CNBD1: variants seen among roughly 807,000 people sequenced by gnomAD.
CNBD1 encodes cyclic nucleotide-binding domain-containing protein 1.
CNBD1 carries 71 observed loss-of-function variants against 54.4 expected under a neutral mutation model. The observed-to-expected ratio is 1.30, with a 90% CI of 1.08 to 1.59. CNBD1 has a LOEUF of 1.59. Among genes scored for constraint, CNBD1 ranks in the 40% most tolerant of loss-of-function variants. CNBD1 has a pLI of 0.00. For missense variants in CNBD1, 659 were observed against 518.0 expected, an observed-to-expected ratio of 1.27 and a Z score of -2.64; for synonymous variants, 182 against 170.7, an observed-to-expected ratio of 1.07 and a Z score of -0.51.
intron 3 of CNBD1, among the ~76,000 whole-genome samples, chr8:86,906,006 C>T (rs953609105): frequency 1.3e-5 from 2 of 152,148 alleles, no homozygotes; most frequent in Non-Finnish European, 2.9e-5. Flanking sequence ...ATTGCCATAT[C>T]TGTAAGACTG....
At chr8:87,135,736 A>T (rs973698178) in intron 4 of CNBD1, among the ~76,000 whole-genome samples, 2 of 150,242 alleles carry the variant, frequency 1.3e-5, no homozygotes, top group African/African-American at 4.9e-5. Context: ...CTGATCCAAC[A>T]TATATATAAT....
At chr8:87,396,331 T>A (rs1313857856) in intron 2 of CNBD1, among the ~76,000 whole-genome samples, 1 of 151,948 alleles carries the variant, frequency 6.6e-6, no homozygotes. Context: ...TATCATTTGT[T>A]ATTTAGGAAT....
chr8:87,387,308 G>A (rs1410518274), downstream of CNBD1, among the ~76,000 whole-genome samples: 1 of 151,968 alleles, frequency 6.6e-6, no homozygotes, highest in Non-Finnish European at 1.5e-5. Flanking sequence ...GACACAGACT[G>A]GCAAATTGGA....
intron 2 of CNBD1, among the ~76,000 whole-genome samples, chr8:87,404,374 A>G (rs1807618853): frequency 6.6e-6 from 1 of 152,058 alleles, no homozygotes; most frequent in African/African-American, 2.4e-5. Context: ...TTAAAAAAGA[A>G]ATGGTTATGT....
intron 2 of CNBD1, among the ~76,000 whole-genome samples, chr8:87,420,817 T>A (rs2130992591): frequency 6.6e-6 from 1 of 152,068 alleles, no homozygotes; most frequent in South Asian, 2.1e-4. Context: ...ATTTGAAAAT[T>A]AACCTCATTA....
chr8:87,226,213 T>G (rs1269220451), intron 5 of CNBD1, among the ~76,000 whole-genome samples: 1 of 151,988 alleles, frequency 6.6e-6, no homozygotes, highest in African/African-American at 2.4e-5. Context: ...ATTAATTTTT[T>G]GAAGGGCTTT....
At chr8:87,157,543 G>A (rs972216683) in intron 4 of CNBD1, among the ~76,000 whole-genome samples, 1 of 151,786 alleles carries the variant, frequency 6.6e-6, no homozygotes, top group Non-Finnish European at 1.5e-5. Context: ...GTATTCTTTT[G>A]CATTCAGCAG....
intron 8 of CNBD1, among the ~76,000 whole-genome samples, chr8:87,320,387 T>C (rs778775430): frequency 1.2e-4 from 19 of 152,106 alleles, no homozygotes; most frequent in Non-Finnish European, 2.8e-4. Flanking sequence ...ACTTAGATTT[T>C]CAATACCTTT....
chr8:86,911,115 A>T (rs940416634), intron 3 of CNBD1, among the ~76,000 whole-genome samples: 2 of 152,202 alleles, frequency 1.3e-5, no homozygotes, highest in Non-Finnish European at 2.9e-5. Flanking sequence ...GACAAAGAAA[A>T]GGGAAGATGG....
At chr8:86,877,270 C>A (rs1808535510) in intron 1 of CNBD1, among the ~76,000 whole-genome samples, 1 of 152,060 alleles carries the variant, frequency 6.6e-6, no homozygotes, top group African/African-American at 2.4e-5. Context: ...TATACTATCT[C>A]CATTATAATC....
intron 4 of CNBD1, among the ~76,000 whole-genome samples, chr8:86,989,342 T>C (rs1321919211): frequency 6.6e-6 from 1 of 152,188 alleles, no homozygotes; most frequent in African/African-American, 2.4e-5. Context: ...CATACATAGG[T>C]ATGCAGATAT....
intron 2 of CNBD1, among the ~76,000 whole-genome samples, chr8:87,410,144 A>G (rs1056309786): frequency 6.6e-6 from 1 of 152,184 alleles, no homozygotes; most frequent in African/African-American, 2.4e-5. Context: ...CCCAGAATTG[A>G]GACCTACTGC....
At chr8:87,109,472 C>A (rs6994542) in intron 4 of CNBD1, among the ~76,000 whole-genome samples, 82,733 of 150,814 alleles carry the variant, frequency 0.55, 24,417 homozygotes, top group African/African-American at 0.78. Context: ...ATTATATAGA[C>A]CTCTGTTAGT....
chr8:87,372,514 G>A (rs1290694581), intron 10 of CNBD1, among the ~76,000 whole-genome samples: 1 of 151,806 alleles, frequency 6.6e-6, no homozygotes, highest in African/African-American at 2.4e-5. Flanking sequence ...TTGATTTTCT[G>A]TTTTAGAGTC....
intron 2 of CNBD1, among the ~76,000 whole-genome samples, chr8:87,399,815 G>C (rs182240785): frequency 3.3e-5 from 5 of 151,996 alleles, no homozygotes; most frequent in Admixed American, 3.3e-4. Context: ...TGGTGAAAAA[G>C]TATTTCAATG....
intron 8 of CNBD1, among the ~76,000 whole-genome samples, chr8:87,287,958 C>T (rs1294775519): frequency 6.6e-6 from 1 of 151,962 alleles, no homozygotes; most frequent in Non-Finnish European, 1.5e-5. Flanking sequence ...TTGTTTATGA[C>T]ATTTTTTTCC....
Position 86,951,722 on chromosome 8 carries a change from C to A in CNBD1, c.431+11968C>A, listed in dbSNP as rs528808605. 6.8e-4 allele frequency among the ~76,000 whole-genome samples: 100 copies of A among 147,326 alleles called. 2 individuals are homozygous for A. Among genetic ancestry groups the A allele is most frequent in the African/African-American group, 2.4e-3 (95 of 40,016 alleles). ...TTTAATTTACAGTTATTTTAATTTG[C>A]CTTTCTTTGTTTCCTTGTTAAGCTA... On this transcript the variant is annotated intron_variant, in intron 4 of 10. Coordinates refer to ENST00000518476, the MANE Select transcript of CNBD1 (RefSeq NM_173538.3).
intron 6 of CNBD1, among the ~76,000 whole-genome samples, chr8:87,238,849 C>T (rs1254863311): frequency 1.3e-5 from 2 of 152,068 alleles, no homozygotes; most frequent in Non-Finnish European, 2.9e-5. Context: ...GATTAATTTT[C>T]CTCTTCCTTT....
intron 8 of CNBD1, among the ~76,000 whole-genome samples, chr8:87,293,712 ATTTTCAC>A: frequency 6.6e-6 from 1 of 152,222 alleles, no homozygotes; most frequent in African/African-American, 2.4e-5. Context: ...TCTTAAAATG[ATTTTCAC>A]TATCTCATGG....
Sources: allele counts gnomAD v4.1 joint callset (sites outside exome capture counted in the v4.1 genomes callset), GRCh38; gene constraint gnomAD v4.1.1; transcripts MANE v1.5; gene names NCBI Gene and HGNC (gene_info 2026-07-23, HGNC 2026-07-21).